Variants in MTUS2 observed in about 807,000 individuals in gnomAD.
MTUS2 encodes microtubule associated scaffold protein 2.
Under a neutral mutation model 114.1 loss-of-function variants are expected in MTUS2, and 40 were observed. The observed-to-expected ratio is 0.35, with a 90% CI of 0.27 to 0.46. MTUS2 has a LOEUF of 0.46. Ranked by LOEUF, MTUS2 falls within the 20% of genes least tolerant of loss-of-function variation. The probability of loss-of-function intolerance (pLI) is 1.00; values close to 1 mark genes in which losing one functional copy is unlikely to be tolerated. For synonymous variants in MTUS2, 688 were observed against 672.0 expected (o/e 1.02, Z -0.37); for missense variants, 1,679 against 1,705.4 (o/e 0.98, Z 0.27).
intron 5 of MTUS2, among the ~76,000 whole-genome samples, chr13:29,185,915 AG>A (rs1894204149): frequency 6.6e-6 from 1 of 152,230 alleles, no homozygotes; most frequent in Non-Finnish European, 1.5e-5. Context: ...AGGACATTAT[AG>A]AATGTTAAGG....
chr13:29,081,815 T>G (rs540334912), intron 4 of MTUS2, among the ~76,000 whole-genome samples: 60 of 152,192 alleles, frequency 3.9e-4, no homozygotes, highest in African/African-American at 1.4e-3. Context: ...TTACCCCAAG[T>G]GTGGCAACCT....
intron 5 of MTUS2, among the ~76,000 whole-genome samples, chr13:29,132,415 T>C (rs980815330): frequency 2.0e-5 from 3 of 152,198 alleles, no homozygotes; most frequent in African/African-American, 7.2e-5. Flanking sequence ...AGTGTACAGT[T>C]CAGTGGCAGT....
chr13:28,918,635 T>C (rs143750411), intron 2 of MTUS2, among the ~76,000 whole-genome samples: 2 of 152,136 alleles, frequency 1.3e-5, no homozygotes, highest in East Asian at 3.9e-4. Context: ...ATTCAGCCAC[T>C]CTGTCTTTTA....
chr13:29,351,451 C>T (rs1869260012), intron 7 of MTUS2, among the ~76,000 whole-genome samples: 1 of 152,216 alleles, frequency 6.6e-6, no homozygotes, highest in African/African-American at 2.4e-5. Flanking sequence ...GTTTCTGACA[C>T]ATCTTTCTCC....
intron 2 of MTUS2, among the ~76,000 whole-genome samples, chr13:28,897,061 T>C (rs1879317837): frequency 6.6e-6 from 1 of 152,206 alleles, no homozygotes. Context: ...TGGGATCTAA[T>C]GAAAGTAAAG....
chr13:28,896,325 C>G (rs549400459), intron 2 of MTUS2, among the ~76,000 whole-genome samples: 214 of 152,206 alleles, frequency 1.4e-3, no homozygotes, highest in African/African-American at 4.4e-3. Flanking sequence ...AATAAAATAC[C>G]TACGAATCCA....
chr13:28,955,309 A>G (rs537757271), intron 2 of MTUS2, among the ~76,000 whole-genome samples: 1 of 152,376 alleles, frequency 6.6e-6, no homozygotes, highest in Admixed American at 6.5e-5. Flanking sequence ...AGAATAAAAT[A>G]TAAATACAAA....
chr13:29,034,032 A>T lies in MTUS2; in HGVS notation c.2353A>T (p.Ile785Phe). 1 of 1,614,016 alleles carries T rather than the reference A, an allele frequency of 6.2e-7. No individual in the cohort carries two copies. Among genetic ancestry groups the T allele is most frequent in the Non-Finnish European group, 8.5e-7 (1 of 1,179,908 alleles). ...CCGTTTACCATCTGCAAAGAGCAGGATTCTGATTGCAAGTCAGAGGTCTTC... is the reference window on the plus strand; with the variant it reads ...CCGTTTACCATCTGCAAAGAGCAGGTTTCTGATTGCAAGTCAGAGGTCTTC... Reference protein sequence around the residue: ...MSRLPSAKSRILIASQRSSAS... With the variant: ...MSRLPSAKSRFLIASQRSSAS... The change falls in exon 4 of 16, where the codon ATT (isoleucine) becomes TTT (phenylalanine). Residue 785 changes from isoleucine to phenylalanine, a missense_variant. By Grantham distance (21) the Ile-to-Phe change is conservative. Around this residue, in one of 3 missense-constraint regions of MTUS2, gnomAD observed 822 missense variants for 899.7 expected, o/e 0.91. Transcript: ENST00000612955.
chr13:29,085,913 A>C (rs1889672202), intron 4 of MTUS2, among the ~76,000 whole-genome samples: 2 of 152,222 alleles, frequency 1.3e-5, no homozygotes, highest in African/African-American at 2.4e-5. Context: ...GAGTATAAGC[A>C]TTCCCTTTCA....
chr13:29,212,751 T>A (rs7997357), intron 5 of MTUS2, among the ~76,000 whole-genome samples: 3,615 of 152,238 alleles, frequency 0.024, 98 homozygotes, highest in African/African-American at 0.082. Context: ...GTGTGGGAGC[T>A]TGTGTCCCCA....
chr13:28,929,775 T>C (rs1398129296), intron 2 of MTUS2, among the ~76,000 whole-genome samples: 2 of 152,244 alleles, frequency 1.3e-5, no homozygotes, highest in Non-Finnish European at 2.9e-5. Context: ...GCCTGCTTGG[T>C]CTACCTTGGT....
At chr13:29,443,552 C>A (rs61423727) in intron 9 of MTUS2, among the ~76,000 whole-genome samples, 2 of 152,202 alleles carry the variant, frequency 1.3e-5, no homozygotes, top group African/African-American at 2.4e-5. Context: ...GCAGCACCAC[C>A]GCCTGGTTCC....
chr13:29,353,182 G>A (rs1257820296), intron 7 of MTUS2, among the ~76,000 whole-genome samples: 1 of 152,088 alleles, frequency 6.6e-6, no homozygotes, highest in Admixed American at 6.5e-5. Flanking sequence ...TATTGCCATA[G>A]TATTTTTTTT....
intron 8 of MTUS2, among the ~76,000 whole-genome samples, chr13:29,375,931 C>T (rs1871688189): frequency 1.3e-5 from 2 of 151,772 alleles, no homozygotes; most frequent in African/African-American, 2.4e-5. Context: ...AAATCTCAGA[C>T]TTCACCACTT....
At chr13:28,852,346 T>G (rs1434682334) in intron 2 of MTUS2, among the ~76,000 whole-genome samples, 1 of 152,138 alleles carries the variant, frequency 6.6e-6, no homozygotes, top group East Asian at 1.9e-4. Context: ...TATTCTCCGT[T>G]ATTTCCCCAC....
intron 2 of MTUS2, among the ~76,000 whole-genome samples, chr13:28,930,610 C>CT (rs1316425374): frequency 6.6e-6 from 1 of 152,156 alleles, no homozygotes; most frequent in East Asian, 1.9e-4. Flanking sequence ...TCTCACATAT[C>CT]TAAGATTTGT....
At chr13:29,002,862 A>G (rs896367189) in intron 2 of MTUS2, among the ~76,000 whole-genome samples, 1 of 152,250 alleles carries the variant, frequency 6.6e-6, no homozygotes. Context: ...TTCAGTTGCT[A>G]GAAAATCAGT....
chr13:29,172,504 A>AT (rs575417573), intron 5 of MTUS2, among the ~76,000 whole-genome samples: 361 of 152,352 alleles, frequency 2.4e-3, no homozygotes, highest in Non-Finnish European at 3.9e-3. Flanking sequence ...GGCAGACCTG[A>AT]TATTTCATGG....
rs370250373 is a variant in MTUS2 at position 28,929,079 on chromosome 13, A to G, written c.-243+89229A>G. ...AGCCAAGCACAGAAAGGCGAATATC[A>G]CATGTTCTCCCTCATACGTCAAAAC... On this transcript the variant is annotated intron_variant, in intron 2 of 15. Transcript: ENST00000612955. 2.4e-4 allele frequency among the ~76,000 whole-genome samples: 36 copies of G among 152,258 alleles called. No homozygotes were observed. In the East Asian group the frequency reaches 3.9e-3, roughly 16 times the overall value.
Sources: gnomAD v4.1 joint callset for allele counts (sites outside exome capture counted in the v4.1 genomes callset) on GRCh38, gnomAD v4.1.1 for gene constraint, gnomAD v4.1.1 regional missense constraint, MANE v1.5 for transcripts, NCBI Gene and HGNC (gene_info 2026-07-23, HGNC 2026-07-21) for gene names.